PDIA4: variants seen among roughly 807,000 people sequenced by gnomAD.
PDIA4 encodes the protein protein disulfide-isomerase A4.
Under a neutral mutation model 62.1 loss-of-function variants are expected in PDIA4, and 33 were observed. The ratio of observed to expected loss-of-function variants is 0.53; its 90% CI spans 0.40 to 0.71. The LOEUF (loss-of-function observed/expected upper bound fraction) is 0.71, where lower values mean the gene tolerates loss of function less well. Ranked by LOEUF, PDIA4 falls within the 30% of genes least tolerant of loss-of-function variation. PDIA4 has a pLI of 0.00. For missense variants in PDIA4, 804 were observed against 813.6 expected, an observed-to-expected ratio of 0.99 and a Z score of 0.14; for synonymous variants, 341 against 324.1, an observed-to-expected ratio of 1.05 and a Z score of -0.56.
chr7:149,025,100 ATATATATG>A (rs146359492), intron 1 of PDIA4, among the ~76,000 whole-genome samples: 6,605 of 124,434 alleles, frequency 0.053, 702 homozygotes, highest in Middle Eastern at 0.12. Context: ...ATATATATAT[ATATATATG>A]TATGTCCAGA....
chr7:149,017,428 A>G (rs1178430472), intron 3 of PDIA4, among the ~76,000 whole-genome samples: 8 of 152,096 alleles, frequency 5.3e-5, no homozygotes, highest in African/African-American at 2.4e-5. Context: ...TACTGAAAAT[A>G]CAAAAATTAG....
At chr7:149,020,910 C>A in intron 2 of PDIA4, 57 bp downstream of exon 2, 1 of 1,577,080 alleles carries the variant, frequency 6.3e-7, no homozygotes, top group South Asian at 1.2e-5. Context: ...GGGTGAAGGG[C>A]TGAGCGAATG....
intron 1 of PDIA4, among the ~76,000 whole-genome samples, chr7:149,026,591 T>G (rs986195344): frequency 1.3e-5 from 2 of 151,318 alleles, no homozygotes; most frequent in Admixed American, 6.6e-5. Flanking sequence ...GCAGAGGTTG[T>G]GGTGAGCTGA....
rs1479314128 is a variant in PDIA4, at chr7:149,005,123, C to G, written c.1522+18G>C. 1.3e-6 allele frequency: 2 copies of G among 1,589,638 alleles called. No homozygotes were observed. Among genetic ancestry groups the G allele is most frequent in the Non-Finnish European group, 8.6e-7 (1 of 1,157,940 alleles). On this transcript the variant is annotated intron_variant, in intron 9 of 9. Coordinates refer to ENST00000652332, the MANE Select transcript of PDIA4 (RefSeq NM_004911.5). ...CACAGCAGCTGATGGGAGACCCCAG[C>G]CCCAGCCACGGGCTCACCTTTTTTG...
chr7:149,027,413 G>A (rs6965276), intron 1 of PDIA4, among the ~76,000 whole-genome samples: 37,017 of 151,808 alleles, frequency 0.24, 5,473 homozygotes, highest in African/African-American at 0.41. Flanking sequence ...TAAAGTTCAC[G>A]ATTTCCCTAC....
intron 4 of PDIA4, among the ~76,000 whole-genome samples, chr7:149,013,672 A>G (rs557806954): frequency 1.3e-5 from 2 of 152,128 alleles, no homozygotes; most frequent in Non-Finnish European, 2.9e-5. Flanking sequence ...GCCTTATCTC[A>G]AAAGAAACCT....
intron 6 of PDIA4, among the ~76,000 whole-genome samples, chr7:149,010,124 G>A (rs1208168892): frequency 1.3e-5 from 2 of 152,158 alleles, no homozygotes; most frequent in African/African-American, 4.8e-5. Flanking sequence ...CCTACTAACT[G>A]CGTAGCTTTA....
rs1323003922 is a variant in PDIA4, at chr7:149,015,011, C to G, written c.507G>C (p.Gln169His). The G allele has an allele frequency of 1.2e-6, 2 of 1,614,230 alleles. No individual in the cohort carries two copies. The highest frequency in any genetic ancestry group is 3.3e-5 in the Admixed American group (2 of 60,020). The part of the protein sequence containing the change: ...EIVAKVREVS[Q>H]PDWTPPPEVT... ...CTTCTGGTGGAGGCGTCCAGTCGGG[C>G]TGGGAGACTTCTCTGACCTTGGCAA... The change falls in exon 4 of 10, where the codon CAG (glutamine) becomes CAC (histidine). Residue 169 changes from glutamine to histidine, a missense_variant. Transcript: ENST00000652332.
At chr7:149,012,550 C>T (rs1454254058) in intron 4 of PDIA4, among the ~76,000 whole-genome samples, 190 bp from the exon 5 acceptor site, 2 of 152,202 alleles carry the variant, frequency 1.3e-5, no homozygotes, top group Non-Finnish European at 2.9e-5. Context: ...ACACAAACTT[C>T]ATCCCACAGC....
Position 149,003,191 on chromosome 7 carries a change from G to A in PDIA4, c.*603C>T. Reference sequence around the variant, plus strand: ...CTGGGGGCTCTCAAGAGGTGGGGCTGCCACGTGGGTGGCCTCTCCCTGGAG... The same window carrying A: ...CTGGGGGCTCTCAAGAGGTGGGGCTACCACGTGGGTGGCCTCTCCCTGGAG... On this transcript the variant is annotated 3_prime_UTR_variant, in exon 10 of 10. Coordinates refer to ENST00000652332, the MANE Select transcript of PDIA4 (RefSeq NM_004911.5). 6.0e-6 allele frequency: 1 copy of A among 167,744 alleles called. No homozygotes were observed. 10.4% of individuals were successfully genotyped at this position (167,744 alleles called of 1,614,324 possible). A position where few individuals can be genotyped will look rare whatever the true frequency, so the allele number is the denominator to read the frequency against.
At chr7:149,006,946 C>T (rs73474074) in intron 7 of PDIA4, among the ~76,000 whole-genome samples, 200 of 152,304 alleles carry the variant, frequency 1.3e-3, no homozygotes, top group African/African-American at 4.5e-3. Flanking sequence ...CTACTGAAAG[C>T]TACAGACCCC....
At chr7:149,028,267 C>T in intron 1 of PDIA4, 54 bp downstream of exon 1, 1 of 1,357,184 alleles carries the variant, frequency 7.4e-7, no homozygotes, top group Non-Finnish European at 1.0e-6. Flanking sequence ...GGCCCCCGCA[C>T]AGCTCTGCAG....
At chr7:149,011,184 A>G (rs1431721675) in intron 6 of PDIA4, among the ~76,000 whole-genome samples, 2 of 152,162 alleles carry the variant, frequency 1.3e-5, no homozygotes, top group Admixed American at 6.5e-5. Flanking sequence ...GGGAGAGGGT[A>G]GCACTCAGAA....
intron 4 of PDIA4, among the ~76,000 whole-genome samples, chr7:149,012,791 G>A (rs1823995171): frequency 6.6e-6 from 1 of 152,160 alleles, no homozygotes; most frequent in Admixed American, 6.5e-5. Flanking sequence ...AATTAGCCAG[G>A]AGCCCACGGG....
At chr7:149,022,086 A>G (rs1401665035) in intron 1 of PDIA4, among the ~76,000 whole-genome samples, 3 of 152,082 alleles carry the variant, frequency 2.0e-5, no homozygotes, top group African/African-American at 7.2e-5. Context: ...GGAAACAAGT[A>G]CTCAATCTTT....
At chr7:149,025,767 T>G (rs937106363) in intron 1 of PDIA4, among the ~76,000 whole-genome samples, 2 of 152,190 alleles carry the variant, frequency 1.3e-5, no homozygotes, top group Non-Finnish European at 2.9e-5. Context: ...CGAAAATAAT[T>G]ATGTCTCAGG....
At position 149,009,580 on chromosome 7, in the gene PDIA4, C is replaced by T. The variant is rs192334190; in HGVS notation, c.980-1270G>A. 2.8e-4 allele frequency among the ~76,000 whole-genome samples: 43 copies of T among 152,276 alleles called. No homozygotes were observed. In the Middle Eastern group the frequency reaches 0.014, roughly 48 times the overall value. On this transcript the variant is annotated intron_variant, in intron 6 of 9. Transcript: ENST00000652332. ...GGCTAAAGATACTTTTACTTAAATC[C>T]GTGAAAATGCATGATGAAACCCCAC...
Position 149,003,737 on chromosome 7 carries a change from C to T in PDIA4, c.*57G>A, listed in dbSNP as rs1823627754. ...GTTGCCGGCCTCGGCGTGGACGCCC[C>T]GACCATGGGCCACGCAGGGCGTCTG... On this transcript the variant is annotated 3_prime_UTR_variant, in exon 10 of 10. Transcript: ENST00000652332. 9.4e-6 allele frequency: 13 copies of T among 1,386,100 alleles called. No individual in the cohort carries two copies. Among genetic ancestry groups the T allele is most frequent in the South Asian group, 3.4e-5 (2 of 58,502 alleles). The allele number at this position is 1,386,100 out of a possible 1,614,324, so 85.9% of individuals were successfully genotyped here.
intron 7 of PDIA4, among the ~76,000 whole-genome samples, 171 bp downstream of exon 7, chr7:149,007,988 A>G (rs1823819213): frequency 6.6e-6 from 1 of 152,250 alleles, no homozygotes; most frequent in African/African-American, 2.4e-5. Flanking sequence ...AAGAGAGACC[A>G]CAGGCCGCCT....
Sources: allele counts gnomAD v4.1 joint callset (sites outside exome capture counted in the v4.1 genomes callset), GRCh38; gene constraint gnomAD v4.1.1; transcripts MANE v1.5; gene names NCBI Gene and HGNC (gene_info 2026-07-23, HGNC 2026-07-21).